GPR39: variants seen among roughly 807,000 people sequenced by gnomAD.
GPR39 encodes the protein G protein-coupled receptor 39, also known as zinc sensing receptor.
A neutral mutation model predicts 18.4 loss-of-function variants in GPR39; 23 were observed. The observed-to-expected ratio is 1.25, with a 90% CI of 0.90 to 1.77. The LOEUF (loss-of-function observed/expected upper bound fraction) is 1.77, where lower values mean the gene tolerates loss of function less well. GPR39 is among the 40% of genes most tolerant of loss of function. GPR39 has a pLI of 0.00. For missense variants in GPR39, 647 were observed against 602.4 expected (o/e 1.07, Z -0.78); for synonymous variants, 280 against 257.9 (o/e 1.09, Z -0.82).
intron 1 of GPR39, among the ~76,000 whole-genome samples, chr2:132,458,557 G>T (rs1224969961): frequency 6.7e-6 from 1 of 149,446 alleles, no homozygotes; most frequent in African/African-American, 2.5e-5. Context: ...TTTTGTATCT[G>T]CTCCATGGCA....
chr2:132,621,726 T>C (rs1681446578), intron 1 of GPR39, among the ~76,000 whole-genome samples: 1 of 152,216 alleles, frequency 6.6e-6, no homozygotes, highest in Non-Finnish European at 1.5e-5. Context: ...CTGGTGTCTT[T>C]GGACAAGCCT....
chr2:132,511,710 A>G (rs989529209), intron 1 of GPR39, among the ~76,000 whole-genome samples: 1 of 152,178 alleles, frequency 6.6e-6, no homozygotes, highest in Admixed American at 6.5e-5. Context: ...AACAGCAAAC[A>G]CTGACTTAAT....
At chr2:132,525,577 A>G (rs890839799) in intron 1 of GPR39, among the ~76,000 whole-genome samples, 1 of 152,210 alleles carries the variant, frequency 6.6e-6, no homozygotes, top group Admixed American at 6.5e-5. Flanking sequence ...TCATGACTCA[A>G]TAAGGTTGAC....
At chr2:132,534,166 A>C (rs1253188947) in intron 1 of GPR39, among the ~76,000 whole-genome samples, 1 of 152,232 alleles carries the variant, frequency 6.6e-6, no homozygotes, top group South Asian at 2.1e-4. Context: ...ACCCCATCAA[A>C]AAGTGGGCGA....
In GPR39 at chr2:132,450,712, G is replaced by A. The variant is rs1257547065; in HGVS notation, c.856+32814G>A. 7.9e-5 allele frequency among the ~76,000 whole-genome samples: 12 copies of A among 152,328 alleles called. No homozygotes were observed. In the East Asian group the frequency reaches 1.9e-3, roughly 24 times the overall value. ...GAGAAGAGACAAGAAAGCTTTCTGA[G>A]TGGGGTTTGAACTTCTTCCCTCTAC... On this transcript the variant is annotated intron_variant, in intron 1 of 1. Coordinates refer to ENST00000329321, the MANE Select transcript of GPR39 (RefSeq NM_001508.3).
At chr2:132,483,862 A>G (rs1307332863) in intron 1 of GPR39, among the ~76,000 whole-genome samples, 3 of 152,190 alleles carry the variant, frequency 2.0e-5, no homozygotes, top group Non-Finnish European at 4.4e-5. Context: ...GGTACTTTAG[A>G]TAGAGGATAC....
intron 1 of GPR39, among the ~76,000 whole-genome samples, chr2:132,632,090 T>G (rs1681660496): frequency 6.6e-6 from 1 of 152,078 alleles, no homozygotes; most frequent in Admixed American, 6.6e-5. Flanking sequence ...AGTGCTGGGA[T>G]TATAGGTGTG....
intron 1 of GPR39, among the ~76,000 whole-genome samples, chr2:132,595,759 C>G (rs1314540402): frequency 1.3e-5 from 2 of 152,100 alleles, no homozygotes; most frequent in East Asian, 3.8e-4. Context: ...CTGTTCCTGC[C>G]AAGCCCCTGT....
At chr2:132,547,959 G>A (rs1679978289) in intron 1 of GPR39, among the ~76,000 whole-genome samples, 1 of 151,916 alleles carries the variant, frequency 6.6e-6, no homozygotes, top group African/African-American at 2.4e-5. Context: ...CTGCTTTACT[G>A]GGCTGGAAAT....
At chr2:132,608,326 T>C (rs1681177770) in intron 1 of GPR39, among the ~76,000 whole-genome samples, 1 of 152,222 alleles carries the variant, frequency 6.6e-6, no homozygotes, top group Non-Finnish European at 1.5e-5. Context: ...ATTCAGTCCA[T>C]GAGCTGCACA....
At chr2:132,478,798 A>C (rs1681176990) in intron 1 of GPR39, among the ~76,000 whole-genome samples, 2 of 152,232 alleles carry the variant, frequency 1.3e-5, no homozygotes, top group African/African-American at 4.8e-5. Context: ...GTTGTTTCAG[A>C]ACCCAAGTGA....
chr2:132,505,959 T>G (rs555218985), intron 1 of GPR39, among the ~76,000 whole-genome samples: 1 of 152,232 alleles, frequency 6.6e-6, no homozygotes. Context: ...TAATTTTAGT[T>G]TTTTGAGAAA....
chr2:132,604,857 G>C (rs1205569108), intron 1 of GPR39: 1 of 152,282 alleles, frequency 6.6e-6, no homozygotes, highest in Non-Finnish European at 1.5e-5. Flanking sequence ...GGAAAGTAAG[G>C]AGCAGCTTAA....
chr2:132,500,345 A>G (rs1280932539), intron 1 of GPR39, among the ~76,000 whole-genome samples: 2 of 151,998 alleles, frequency 1.3e-5, no homozygotes, highest in Non-Finnish European at 2.9e-5. Context: ...ATCACATGAT[A>G]TTTGTTTTTA....
At chr2:132,540,106 C>G (rs932897364) in intron 1 of GPR39, among the ~76,000 whole-genome samples, 1 of 152,194 alleles carries the variant, frequency 6.6e-6, no homozygotes, top group Non-Finnish European at 1.5e-5. Context: ...TCTTGTACCC[C>G]ATTCCCCAAA....
intron 1 of GPR39, among the ~76,000 whole-genome samples, chr2:132,636,680 G>A (rs184892317): frequency 3.9e-5 from 6 of 152,234 alleles, no homozygotes; most frequent in Admixed American, 2.0e-4. Context: ...ACTAAACTCT[G>A]AGGTCTTTTC....
intron 1 of GPR39, among the ~76,000 whole-genome samples, chr2:132,473,096 G>C (rs1044667823): frequency 6.6e-6 from 1 of 152,136 alleles, no homozygotes; most frequent in Non-Finnish European, 1.5e-5. Context: ...CTGAATCACC[G>C]GGTAAATAAA....
intron 1 of GPR39, among the ~76,000 whole-genome samples, chr2:132,534,973 A>G (rs918655330): frequency 1.4e-5 from 2 of 146,794 alleles, no homozygotes; most frequent in Admixed American, 6.9e-5. Context: ...CATGTACCCT[A>G]AAACCTAAAG....
At chr2:132,461,393 A>T (rs2104777221) in intron 1 of GPR39, among the ~76,000 whole-genome samples, 1 of 152,332 alleles carries the variant, frequency 6.6e-6, no homozygotes, top group African/African-American at 2.4e-5. Flanking sequence ...TAGTTACAAC[A>T]TTAATTCCAG....
Sources: gnomAD v4.1 joint callset for allele counts (sites outside exome capture counted in the v4.1 genomes callset) on GRCh38, gnomAD v4.1.1 for gene constraint, MANE v1.5 for transcripts, NCBI Gene and HGNC (gene_info 2026-07-23, HGNC 2026-07-21) for gene names.